Variants in TEX11 observed in about 807,000 individuals in gnomAD.
TEX11 encodes the protein testis-expressed protein 11.
Under a neutral mutation model 84.4 loss-of-function variants are expected in TEX11, and 7 were observed. The observed-to-expected ratio is 0.08, with a 90% CI of 0.05 to 0.16. The LOEUF (loss-of-function observed/expected upper bound fraction) is 0.16. Among genes scored for constraint, TEX11 ranks in the 10% least tolerant of loss-of-function variants. The pLI is 1.00. For synonymous variants in TEX11, 264 were observed against 222.8 expected, an observed-to-expected ratio of 1.18 and a Z score of -1.64; for missense variants, 551 against 660.5, an observed-to-expected ratio of 0.83 and a Z score of 1.82.
intron 16 of TEX11, among the ~76,000 whole-genome samples, chrX:70,664,146 A>C (rs1471949993): frequency 8.9e-6 from 1 of 112,149 alleles, no homozygotes; most frequent in African/African-American, 3.2e-5. Context: ...AGAGCAGAAT[A>C]GAGGGTGATT....
chrX:70,634,673 G>A (rs1361429304), intron 17 of TEX11, among the ~76,000 whole-genome samples: 1 of 107,525 alleles, frequency 9.3e-6, no homozygotes, highest in Non-Finnish European at 1.9e-5. Context: ...AGAATAGTTT[G>A]TTAAACAAAT....
Position 70,553,322 on chromosome X carries a change from C to T in TEX11, c.2383G>A (p.Asp795Asn). ...LLLYKKEEPI[D>N]ISQYSKCMHN... is the part of the protein sequence containing the mutation. Reference sequence around the variant, plus strand: ...TTTACTAACCTGTATTGTGATATATCAATTGGTTCTTCCTTTTTGTAGAGC... The same window carrying T: ...TTTACTAACCTGTATTGTGATATATTAATTGGTTCTTCCTTTTTGTAGAGC... Residue 795 changes from aspartate to asparagine, a missense_variant, in exon 27 of 30, where the codon GAT becomes AAT. Transcript: ENST00000374333. 8.4e-7 allele frequency: 1 copy of T among 1,197,143 alleles called. No homozygotes were observed. The highest frequency in any genetic ancestry group is 1.1e-6 in the Non-Finnish European group (1 of 884,604).
intron 9 of TEX11, among the ~76,000 whole-genome samples, chrX:70,776,217 C>T (rs1266287919): frequency 9.0e-6 from 1 of 110,907 alleles, no homozygotes; most frequent in African/African-American, 3.3e-5. Context: ...ACCTAAGTGT[C>T]CATCAACAGA....
At chrX:70,888,331 C>G (rs2091720712) in intron 2 of TEX11, among the ~76,000 whole-genome samples, 1 of 112,351 alleles carries the variant, frequency 8.9e-6, no homozygotes, top group African/African-American at 3.2e-5. Flanking sequence ...CAATATAACA[C>G]AGAGAAGGAA....
intron 16 of TEX11, among the ~76,000 whole-genome samples, chrX:70,654,036 G>A (rs760129053): frequency 8.9e-6 from 1 of 111,797 alleles, no homozygotes; most frequent in South Asian, 3.8e-4. Context: ...CAGTGAGAGG[G>A]AGGAAGGGAT....
intron 9 of TEX11, among the ~76,000 whole-genome samples, chrX:70,764,975 G>A (rs2090930693): frequency 9.0e-6 from 1 of 111,279 alleles, no homozygotes; most frequent in African/African-American, 3.3e-5. Context: ...ATTCTACGAG[G>A]CCAGTATTAC....
At chrX:70,875,729 G>A (rs1455566077) in intron 3 of TEX11, among the ~76,000 whole-genome samples, 2 of 110,632 alleles carry the variant, frequency 1.8e-5, no homozygotes, top group Admixed American at 9.7e-5. Flanking sequence ...CAGCCTGGGC[G>A]ACAGAGCGAG....
At chrX:70,662,221 C>G (rs1324649782) in intron 16 of TEX11, among the ~76,000 whole-genome samples, 13 of 111,606 alleles carry the variant, frequency 1.2e-4, no homozygotes, top group African/African-American at 3.6e-4. Flanking sequence ...GGAGAATGCA[C>G]AAGCCTCAGT....
chrX:70,718,576 G>A (rs1029524305), intron 13 of TEX11, among the ~76,000 whole-genome samples: 4 of 111,891 alleles, frequency 3.6e-5, no homozygotes, highest in Non-Finnish European at 5.6e-5. Context: ...ACTGAGTCAG[G>A]GATTTTCCCT....
chrX:70,809,163 C>G (rs9969897), intron 8 of TEX11, among the ~76,000 whole-genome samples: 6,219 of 111,468 alleles, frequency 0.056, 355 homozygotes, highest in South Asian at 0.16. Context: ...TTTCTTTAAG[C>G]AAGTGAAAGT....
intron 15 of TEX11, among the ~76,000 whole-genome samples, chrX:70,671,390 T>C (rs1704470992): frequency 9.0e-6 from 1 of 111,405 alleles, no homozygotes; most frequent in Non-Finnish European, 1.9e-5. Context: ...GAAACAATTA[T>C]GCTAAATAGG....
intron 4 of TEX11, among the ~76,000 whole-genome samples, chrX:70,872,751 T>C (rs770803424): frequency 8.9e-6 from 1 of 112,288 alleles, no homozygotes; most frequent in African/African-American, 3.2e-5. Flanking sequence ...AGTAACTCAT[T>C]CCAATGTTTA....
At chrX:70,855,374 G>T (rs1161797886) in intron 5 of TEX11, among the ~76,000 whole-genome samples, 1 of 109,929 alleles carries the variant, frequency 9.1e-6, no homozygotes, top group Non-Finnish European at 1.9e-5. Flanking sequence ...AGACCAGCCT[G>T]GGCAATATGG....
At chrX:70,882,027 CAAAAAA>C (rs61563153) in intron 2 of TEX11, among the ~76,000 whole-genome samples, 4 of 41,688 alleles carry the variant, frequency 9.6e-5, no homozygotes, top group South Asian at 3.1e-3. Context: ...GACTCCATCT[CAAAAAA>C]AAAAAAAAAA....
chrX:70,878,476 G>T (rs1283569969), intron 3 of TEX11, among the ~76,000 whole-genome samples: 1 of 110,887 alleles, frequency 9.0e-6, no homozygotes, highest in Non-Finnish European at 1.9e-5. Flanking sequence ...CAGCCAACTG[G>T]ATCCCTCTTA....
intron 7 of TEX11, among the ~76,000 whole-genome samples, chrX:70,852,287 A>C (rs919204707): frequency 2.7e-5 from 3 of 111,868 alleles, no homozygotes; most frequent in African/African-American, 9.7e-5. Context: ...GGTTCAAGGA[A>C]TCCTTCTGCC....
the TEX11 span, among the ~76,000 whole-genome samples, chrX:70,518,068 AAC>A: frequency 9.1e-6 from 1 of 110,012 alleles, no homozygotes; most frequent in Non-Finnish European, 1.9e-5. Flanking sequence ...TTTAAAAAAA[AAC>A]ACAGCTGCTG....
chrX:70,606,155 A>G (rs1301976855), intron 23 of TEX11, among the ~76,000 whole-genome samples: 1 of 112,461 alleles, frequency 8.9e-6, no homozygotes, highest in Non-Finnish European at 1.9e-5. Flanking sequence ...CCAAACATTC[A>G]GTGATCATAA....
At chrX:70,781,330 A>C (rs1178247344) in intron 9 of TEX11, among the ~76,000 whole-genome samples, 2 of 112,195 alleles carry the variant, frequency 1.8e-5, no homozygotes, top group Non-Finnish European at 3.8e-5. Context: ...TCAAATACCA[A>C]AGGTAGATGA....
Sources: gnomAD v4.1 joint callset for allele counts (sites outside exome capture counted in the v4.1 genomes callset) on GRCh38, gnomAD v4.1.1 for gene constraint, MANE v1.5 for transcripts, NCBI Gene and HGNC (gene_info 2026-07-23, HGNC 2026-07-21) for gene names.